The following DIP2C variants were observed in gnomAD, a reference collection of about 807,000 sequenced individuals.
The protein encoded by DIP2C is disco-interacting protein 2 homolog C.
DIP2C carries 33 observed loss-of-function variants against 192.4 expected under a neutral mutation model. That is an observed-to-expected ratio of 0.17 (90% CI 0.13 to 0.23). The LOEUF is 0.23. Among genes scored for constraint, DIP2C ranks in the 10% least tolerant of loss-of-function variants. The probability of loss-of-function intolerance (pLI) is 1.00; values close to 1 mark genes in which losing one functional copy is unlikely to be tolerated. For missense variants in DIP2C, 1,537 were observed against 2,110.1 expected, an observed-to-expected ratio of 0.73 and a Z score of 5.32; for synonymous variants, 979 against 864.1, an observed-to-expected ratio of 1.13 and a Z score of -2.33.
chr10:599,260 G>T (rs1331444217), intron 1 of DIP2C, among the ~76,000 whole-genome samples: 1 of 152,118 alleles, frequency 6.6e-6, no homozygotes, highest in Non-Finnish European at 1.5e-5. Flanking sequence ...ACAGAAAGTG[G>T]GCTAAGGGCT....
chr10:330,450 A>G (rs959155211), intron 29 of DIP2C, among the ~76,000 whole-genome samples: 1 of 152,200 alleles, frequency 6.6e-6, no homozygotes, highest in Non-Finnish European at 1.5e-5. Context: ...TGAATTCACA[A>G]TAGATACCAT....
intron 1 of DIP2C, among the ~76,000 whole-genome samples, chr10:498,364 G>A (rs1386411934): frequency 6.6e-6 from 1 of 152,154 alleles, no homozygotes; most frequent in Admixed American, 6.5e-5. Flanking sequence ...GCTGAAGGAA[G>A]TCCTCAGAGC....
At chr10:661,879 A>C in intron 1 of DIP2C, 1 of 603,078 alleles carries the variant, frequency 1.7e-6, no homozygotes, top group Non-Finnish European at 2.9e-6. Context: ...CCTGATTTCC[A>C]GCAAAGCACA....
At chr10:342,160 T>C (rs1958181129) in intron 28 of DIP2C, among the ~76,000 whole-genome samples, 2 of 150,702 alleles carry the variant, frequency 1.3e-5, no homozygotes, top group Admixed American at 6.6e-5. Context: ...ACCCACTCTC[T>C]CTCTTTTTTT....
chr10:677,547 G>A (rs1033432189), intron 1 of DIP2C, among the ~76,000 whole-genome samples: 16 of 152,126 alleles, frequency 1.1e-4, no homozygotes, highest in African/African-American at 2.2e-4. Context: ...TGCTTGAAAC[G>A]GACACTCCAC....
At chr10:344,960 G>A (rs757955218) in intron 27 of DIP2C, 39 bp downstream of exon 27, 2 of 1,605,828 alleles carry the variant, frequency 1.2e-6, no homozygotes, top group East Asian at 2.2e-5. Context: ...GCCTGAGCAA[G>A]GCCGTGAGCA....
intron 1 of DIP2C, among the ~76,000 whole-genome samples, chr10:543,162 C>T (rs1041314128): frequency 1.3e-5 from 2 of 152,226 alleles, no homozygotes; most frequent in African/African-American, 2.4e-5. Context: ...CACCAGTCTT[C>T]GCAAGGATCG....
intron 1 of DIP2C, among the ~76,000 whole-genome samples, chr10:681,818 C>A (rs1169682992): frequency 1.3e-5 from 2 of 152,266 alleles, no homozygotes. Flanking sequence ...CCCAGGAACG[C>A]CTTCCTCCTC....
chr10:283,507 T>A (rs1484259526), intron 34 of DIP2C, 61 bp from the exon 35 acceptor site: 1 of 1,577,072 alleles, frequency 6.3e-7, no homozygotes, highest in African/African-American at 1.3e-5. Context: ...GAAATGAGAC[T>A]ACAACTACTT....
At chr10:327,206 G>A in intron 30 of DIP2C, 30 bp from the exon 31 acceptor site, 1 of 1,603,194 alleles carries the variant, frequency 6.2e-7, no homozygotes, top group Non-Finnish European at 8.5e-7. Flanking sequence ...AACCGAGTCA[G>A]CCCCCACGTG....
rs555630121 is a variant in DIP2C at position 350,670 on chromosome 10, C to T, written c.2986-1216G>A. Among the ~76,000 whole-genome samples the T allele has an allele frequency of 3.7e-4, 52 of 139,052 alleles. 1 individual carries two copies. Among genetic ancestry groups the T allele is most frequent in the Non-Finnish European group, 7.1e-4 (47 of 65,806 alleles). 91.2% of individuals were successfully genotyped at this position (139,052 alleles called of 152,430 possible). On this transcript the variant is annotated intron_variant, in intron 24 of 36. Coordinates refer to ENST00000280886, the MANE Select transcript of DIP2C (RefSeq NM_014974.3). ...TTTTTTTTTTTTTGAGATGGGGTCT[C>T]GCTCTGTCGCCAGGCTGGAGTGCAG...
chr10:297,231 C>T (rs956068272), intron 32 of DIP2C, among the ~76,000 whole-genome samples: 8 of 109,074 alleles, frequency 7.3e-5, no homozygotes, highest in African/African-American at 3.0e-4. Context: ...CCCCCCCCCA[C>T]CCCACCACAT....
chr10:422,659 T>A (rs12415961), intron 5 of DIP2C, among the ~76,000 whole-genome samples, 165 bp downstream of exon 5: 1 of 151,908 alleles, frequency 6.6e-6, no homozygotes, highest in African/African-American at 2.4e-5. Flanking sequence ...GCATGAGAAG[T>A]GTAAAGCAGC....
At position 644,979 on chromosome 10, in the gene DIP2C, G is replaced by A. The variant is rs148262515; in HGVS notation, c.85+44515C>T. ...GAGGACTGTGAGGAAGGTGAGAAAG[G>A]GACTGAGGACCTGAAGAGGCACCTA... On this transcript the variant is annotated intron_variant, in intron 1 of 36. Transcript: ENST00000280886. Among the ~76,000 whole-genome samples, 249 of 152,308 alleles carry A rather than the reference G, an allele frequency of 1.6e-3. 2 individuals are homozygous for A. The highest frequency in any genetic ancestry group is 5.2e-3 in the African/African-American group (218 of 41,564).
At chr10:352,688 T>C (rs1479273881) in intron 24 of DIP2C, among the ~76,000 whole-genome samples, 1 of 152,176 alleles carries the variant, frequency 6.6e-6, no homozygotes, top group African/African-American at 2.4e-5. Context: ...GACCCCACCG[T>C]TGGCTGGGAG....
intron 4 of DIP2C, among the ~76,000 whole-genome samples, chr10:435,631 A>C (rs567007066): frequency 1.3e-5 from 2 of 152,216 alleles, no homozygotes; most frequent in Admixed American, 6.5e-5. Context: ...CTGTGACCTC[A>C]TGTCTCTTGC....
At chr10:479,352 T>C (rs1014864278) in intron 2 of DIP2C, among the ~76,000 whole-genome samples, 1 of 140,196 alleles carries the variant, frequency 7.1e-6, no homozygotes, top group Non-Finnish European at 1.5e-5. Flanking sequence ...TTTTTTTTTT[T>C]AAGATGGAGT....
intron 8 of DIP2C, among the ~76,000 whole-genome samples, chr10:410,972 TTGAC>T (rs1165105210): frequency 1.3e-5 from 2 of 152,206 alleles, no homozygotes; most frequent in African/African-American, 4.8e-5. Context: ...TCGCTTGGCT[TTGAC>T]TGAGGAACAG....
intron 1 of DIP2C, chr10:662,252 A>G (rs3853289): frequency 0.99 from 627,763 of 631,736 alleles, 312,025 homozygotes; most frequent in East Asian, 1. Context: ...TCCTGAAGGT[A>G]CTGTATGAGG....
Sources: gnomAD v4.1 joint callset for allele counts (sites outside exome capture counted in the v4.1 genomes callset) on GRCh38, gnomAD v4.1.1 for gene constraint, MANE v1.5 for transcripts, NCBI Gene and HGNC (gene_info 2026-07-23, HGNC 2026-07-21) for gene names.